Variants in PTPN4 observed in about 807,000 individuals in gnomAD.
The protein encoded by PTPN4 is protein tyrosine phosphatase non-receptor type 4.
Under a neutral mutation model 135.5 loss-of-function variants are expected in PTPN4, and 49 were observed. The observed-to-expected ratio is 0.36, with a 90% confidence interval of 0.29 to 0.46. The LOEUF (loss-of-function observed/expected upper bound fraction) is 0.46, where lower values mean the gene tolerates loss of function less well. Among genes scored for constraint, PTPN4 ranks in the 20% least tolerant of loss-of-function variants. The pLI is 1.00. For missense variants in PTPN4, 860 were observed against 1,101.0 expected, an observed-to-expected ratio of 0.78 and a Z score of 3.10; for synonymous variants, 333 against 369.9, an observed-to-expected ratio of 0.90 and a Z score of 1.14.
In PTPN4 at chr2:119,980,748, C is replaced by T. The variant is rs1294781691; in HGVS notation, c.*3678C>T. 6.6e-6 allele frequency: 1 copy of T among 151,874 alleles called. No individual in the cohort carries two copies. Among genetic ancestry groups the T allele is most frequent in the South Asian group, 2.1e-4 (1 of 4,802 alleles). 9.4% of individuals were successfully genotyped at this position (151,874 alleles called of 1,614,324 possible). ...TTAAGAAGTGATTCTAATTAGGACCCCCACTCAGTTTGCTAGTCATGCCTG... is the reference window on the plus strand; with the variant it reads ...TTAAGAAGTGATTCTAATTAGGACCTCCACTCAGTTTGCTAGTCATGCCTG... On this transcript the variant is annotated 3_prime_UTR_variant, in exon 27 of 27. Coordinates refer to ENST00000263708, the MANE Select transcript of PTPN4 (RefSeq NM_002830.4).
chr2:119,844,765 C>A (rs1322185141), intron 2 of PTPN4, among the ~76,000 whole-genome samples: 1 of 142,330 alleles, frequency 7.0e-6, no homozygotes, highest in Non-Finnish European at 1.5e-5. Flanking sequence ...CCTCACTTTC[C>A]AGACTGGGCA....
intron 26 of PTPN4, among the ~76,000 whole-genome samples, chr2:119,975,116 A>G (rs534161390): frequency 2.4e-4 from 36 of 151,786 alleles, no homozygotes; most frequent in South Asian, 1.0e-3. Flanking sequence ...TTGTTTGTTT[A>G]TTTGCAGTAT....
At chr2:119,775,023 T>C (rs941153831) in intron 1 of PTPN4, among the ~76,000 whole-genome samples, 1 of 88,722 alleles carries the variant, frequency 1.1e-5, no homozygotes, top group Non-Finnish European at 2.2e-5. Context: ...AAAAAAAAAA[T>C]AAAAAGAAAA....
intron 15 of PTPN4, among the ~76,000 whole-genome samples, chr2:119,935,931 A>G (rs1359305719): frequency 6.6e-6 from 1 of 152,212 alleles, no homozygotes; most frequent in African/African-American, 2.4e-5. Flanking sequence ...AGGCCTAACA[A>G]AATTATCTTT....
chr2:119,942,743 TG>T (rs1679078607), intron 15 of PTPN4, among the ~76,000 whole-genome samples: 1 of 152,216 alleles, frequency 6.6e-6, no homozygotes, highest in Admixed American at 6.5e-5. Flanking sequence ...TCTTAAGTTC[TG>T]CTAAGGGATG....
At chr2:119,890,955 CTG>C (rs1678231482) in intron 9 of PTPN4, among the ~76,000 whole-genome samples, 1 of 152,124 alleles carries the variant, frequency 6.6e-6, no homozygotes. Flanking sequence ...GAGAAATTCA[CTG>C]TTAGACTGGT....
intron 1 of PTPN4, among the ~76,000 whole-genome samples, chr2:119,800,930 T>TA (rs1691350860): frequency 6.6e-6 from 1 of 152,140 alleles, no homozygotes; most frequent in African/African-American, 2.4e-5. Context: ...CTTCTGTCGT[T>TA]ACCAACAGTC....
At chr2:119,786,153 C>T (rs1691044394) in intron 1 of PTPN4, among the ~76,000 whole-genome samples, 1 of 152,002 alleles carries the variant, frequency 6.6e-6, no homozygotes, top group Non-Finnish European at 1.5e-5. Context: ...AGTCCCTGGC[C>T]TATGAGGAAA....
At chr2:119,776,776 T>A (rs1690845907) in intron 1 of PTPN4, among the ~76,000 whole-genome samples, 1 of 152,256 alleles carries the variant, frequency 6.6e-6, no homozygotes, top group Non-Finnish European at 1.5e-5. Context: ...TGGTAAGAAT[T>A]CAGTATATAT....
At chr2:119,938,680 C>G (rs986129984) in intron 15 of PTPN4, among the ~76,000 whole-genome samples, 4 of 150,946 alleles carry the variant, frequency 2.6e-5, no homozygotes, top group African/African-American at 9.7e-5. Flanking sequence ...CATTTATAAC[C>G]AAAAAAAGGG....
chr2:119,948,425 T>G (rs1197498615), intron 18 of PTPN4, among the ~76,000 whole-genome samples: 4 of 152,018 alleles, frequency 2.6e-5, no homozygotes, highest in Non-Finnish European at 4.4e-5. Context: ...ATAACTTTGC[T>G]AAAAACAAAA....
intron 10 of PTPN4, among the ~76,000 whole-genome samples, chr2:119,912,459 A>T (rs1449567598): frequency 6.6e-6 from 1 of 152,216 alleles, no homozygotes; most frequent in Non-Finnish European, 1.5e-5. Flanking sequence ...AAAATGCTTA[A>T]AAGGGAAAAT....
chr2:119,896,114 C>A (rs141508109), intron 9 of PTPN4, among the ~76,000 whole-genome samples: 5 of 152,248 alleles, frequency 3.3e-5, no homozygotes, highest in Non-Finnish European at 5.9e-5. Flanking sequence ...TACTGTAAGG[C>A]AAACATCCTT....
intron 1 of PTPN4, among the ~76,000 whole-genome samples, chr2:119,768,445 G>GA (rs1293565041): frequency 6.6e-6 from 1 of 152,144 alleles, no homozygotes; most frequent in African/African-American, 2.4e-5. Context: ...CTTTTAGGGG[G>GA]ATAGAGCTAG....
intron 23 of PTPN4, among the ~76,000 whole-genome samples, chr2:119,961,439 A>G (rs945734154): frequency 2.0e-5 from 3 of 152,238 alleles, no homozygotes; most frequent in Non-Finnish European, 4.4e-5. Context: ...GATGATATGG[A>G]AAAAACAGAA....
At chr2:119,791,564 T>C (rs942733906) in intron 1 of PTPN4, among the ~76,000 whole-genome samples, 2 of 152,248 alleles carry the variant, frequency 1.3e-5, no homozygotes, top group African/African-American at 2.4e-5. Flanking sequence ...CTACATATGG[T>C]ATTCTTTTTG....
At chr2:119,918,529 A>G (rs1233463596) in intron 11 of PTPN4, among the ~76,000 whole-genome samples, 1 of 152,234 alleles carries the variant, frequency 6.6e-6, no homozygotes, top group African/African-American at 2.4e-5. Context: ...TTGAACCTCA[A>G]TAATTATAAA....
At chr2:119,868,386 T>A (rs535224525) in intron 3 of PTPN4, among the ~76,000 whole-genome samples, 8 of 152,190 alleles carry the variant, frequency 5.3e-5, no homozygotes, top group Non-Finnish European at 1.2e-4. Context: ...TTTAAAATGA[T>A]ACAACCACTT....
At chr2:119,795,983 G>A (rs1013589319) in intron 1 of PTPN4, among the ~76,000 whole-genome samples, 3 of 152,352 alleles carry the variant, frequency 2.0e-5, no homozygotes, top group Non-Finnish European at 4.4e-5. Context: ...CCAGCCTTGC[G>A]AATCCTGACT....
Sources: gnomAD v4.1 joint callset for allele counts (sites outside exome capture counted in the v4.1 genomes callset) on GRCh38, gnomAD v4.1.1 for gene constraint, MANE v1.5 for transcripts, NCBI Gene and HGNC (gene_info 2026-07-23, HGNC 2026-07-21) for gene names.